The following ADK variants were observed in gnomAD, a reference collection of about 807,000 sequenced individuals.
ADK encodes the protein N6,N6-dimethyladenosine kinase.
Under a neutral mutation model 44.7 loss-of-function variants are expected in ADK, and 24 were observed. The observed-to-expected ratio is 0.54, with a 90% CI of 0.39 to 0.76. The LOEUF is 0.76. Among genes scored for constraint, ADK ranks in the 30% least tolerant of loss-of-function variants. The pLI is 0.00. For missense variants in ADK, 321 were observed against 425.1 expected (o/e 0.76, Z 2.15); for synonymous variants, 128 against 142.6 (o/e 0.90, Z 0.73).
At chr10:74,348,503 A>G (rs1322363019) in intron 4 of ADK, among the ~76,000 whole-genome samples, 3 of 152,088 alleles carry the variant, frequency 2.0e-5, no homozygotes, top group Non-Finnish European at 2.9e-5. Context: ...AACGGTGAAA[A>G]TTCCAAAAAC....
chr10:74,362,360 G>A (rs972897618), intron 4 of ADK, among the ~76,000 whole-genome samples: 5 of 108,618 alleles, frequency 4.6e-5, no homozygotes, highest in African/African-American at 1.2e-4. Context: ...TGAGATTTTC[G>A]CTTCATTAAT....
chr10:74,573,838 C>T (rs1851067955), intron 7 of ADK, among the ~76,000 whole-genome samples: 1 of 152,172 alleles, frequency 6.6e-6, no homozygotes, highest in Non-Finnish European at 1.5e-5. Context: ...TCCTGGTGCG[C>T]CATTTTTTAA....
intron 6 of ADK, among the ~76,000 whole-genome samples, chr10:74,456,749 T>C (rs924922633): frequency 6.6e-6 from 1 of 150,676 alleles, no homozygotes; most frequent in African/African-American, 2.4e-5. Context: ...ATAATGAAAT[T>C]AAGACAGAAA....
chr10:74,434,838 T>C (rs1364296159), intron 6 of ADK, among the ~76,000 whole-genome samples: 1 of 152,210 alleles, frequency 6.6e-6, no homozygotes, highest in Non-Finnish European at 1.5e-5. Context: ...TACATTTTGT[T>C]TAACACTGCC....
chr10:74,229,616 C>A (rs1479232786), intron 3 of ADK, among the ~76,000 whole-genome samples: 1 of 152,062 alleles, frequency 6.6e-6, no homozygotes, highest in Non-Finnish European at 1.5e-5. Context: ...CCAGGATGGT[C>A]TTGATCTCCT....
At chr10:74,633,995 T>C (rs1383340093) in intron 9 of ADK, among the ~76,000 whole-genome samples, 1 of 152,188 alleles carries the variant, frequency 6.6e-6, no homozygotes, top group African/African-American at 2.4e-5. Flanking sequence ...TCCAAATCTC[T>C]GGATGACCCC....
intron 4 of ADK, among the ~76,000 whole-genome samples, chr10:74,368,000 T>C (rs1482198574): frequency 6.6e-6 from 1 of 152,208 alleles, no homozygotes; most frequent in Non-Finnish European, 1.5e-5. Context: ...TATATAGATG[T>C]AAATATAAAT....
At chr10:74,612,370 C>T (rs1004806935) in intron 9 of ADK, among the ~76,000 whole-genome samples, 2 of 152,130 alleles carry the variant, frequency 1.3e-5, no homozygotes, top group South Asian at 2.1e-4. Flanking sequence ...GTTCTCCTGC[C>T]TCAGCCTTCC....
intron 10 of ADK, among the ~76,000 whole-genome samples, chr10:74,680,665 G>T (rs1465618629): frequency 6.6e-6 from 1 of 152,088 alleles, no homozygotes; most frequent in African/African-American, 2.4e-5. Context: ...TGGTAAATAA[G>T]TCATCAGACA....
chr10:74,503,013 C>G (rs1253173964), intron 6 of ADK, among the ~76,000 whole-genome samples: 1 of 152,146 alleles, frequency 6.6e-6, no homozygotes, highest in Non-Finnish European at 1.5e-5. Context: ...TAATATTTAT[C>G]TCCAATGTTA....
At chr10:74,190,292 A>G (rs1420442613) in intron 1 of ADK, among the ~76,000 whole-genome samples, 1 of 152,168 alleles carries the variant, frequency 6.6e-6, no homozygotes, top group Admixed American at 6.5e-5. Context: ...TTGTTGGAGC[A>G]CACTTTCAGC....
At chr10:74,622,971 C>G (rs1853050288) in intron 9 of ADK, among the ~76,000 whole-genome samples, 1 of 152,166 alleles carries the variant, frequency 6.6e-6, no homozygotes, top group South Asian at 2.1e-4. Context: ...CACACTATTG[C>G]ACTCTAGCCT....
intron 9 of ADK, among the ~76,000 whole-genome samples, chr10:74,612,134 A>G (rs1360977766): frequency 6.6e-6 from 1 of 151,846 alleles, no homozygotes; most frequent in Non-Finnish European, 1.5e-5. Flanking sequence ...CCAATGTGTA[A>G]TTTTTTTACT....
intron 4 of ADK, among the ~76,000 whole-genome samples, chr10:74,374,224 A>G (rs779586620): frequency 1.2e-4 from 19 of 152,112 alleles, no homozygotes; most frequent in Non-Finnish European, 5.9e-5. Flanking sequence ...TGCCTATACA[A>G]CTCCAAATAT....
At chr10:74,492,209 T>C (rs1847515636) in intron 6 of ADK, among the ~76,000 whole-genome samples, 1 of 152,186 alleles carries the variant, frequency 6.6e-6, no homozygotes, top group Non-Finnish European at 1.5e-5. Flanking sequence ...AGTATTACTG[T>C]CTTATCTAGA....
chr10:74,316,846 T>C (rs1840637911), intron 4 of ADK, among the ~76,000 whole-genome samples: 1 of 152,128 alleles, frequency 6.6e-6, no homozygotes, highest in South Asian at 2.1e-4. Flanking sequence ...CTCCCTGATA[T>C]TAGTCTCATA....
intron 6 of ADK, chr10:74,508,464 A>G (rs1000795382): frequency 7.9e-5 from 12 of 152,238 alleles, no homozygotes; most frequent in African/African-American, 2.7e-4. Context: ...AATGCATACT[A>G]TAGGCCAAGA....
At chr10:74,691,418 T>C (rs774115075) in intron 10 of ADK, among the ~76,000 whole-genome samples, 13 of 152,202 alleles carry the variant, frequency 8.5e-5, no homozygotes, top group Non-Finnish European at 1.6e-4. Context: ...TAAATAACTA[T>C]GTAATTAGCT....
chr10:74,219,011 C>A (rs1844178976), intron 2 of ADK, among the ~76,000 whole-genome samples: 1 of 152,018 alleles, frequency 6.6e-6, no homozygotes, highest in South Asian at 2.1e-4. Context: ...CAAATTCACA[C>A]ATAACAATAT....
Sources: allele counts gnomAD v4.1 joint callset (sites outside exome capture counted in the v4.1 genomes callset), GRCh38; gene constraint gnomAD v4.1.1; transcripts MANE v1.5; gene names NCBI Gene and HGNC (gene_info 2026-07-23, HGNC 2026-07-21).